Variants in LRMDA observed in about 807,000 individuals in gnomAD.
LRMDA encodes the protein leucine rich melanocyte differentiation associated.
A neutral mutation model predicts 29.8 loss-of-function variants in LRMDA; 18 were observed. The ratio of observed to expected loss-of-function variants is 0.60; its 90% CI spans 0.42 to 0.90. The LOEUF (loss-of-function observed/expected upper bound fraction) is 0.90. LRMDA is among the 40% of genes least tolerant of loss of function. The probability of loss-of-function intolerance (pLI) is 0.00; values close to 1 mark genes in which losing one functional copy is unlikely to be tolerated. For synonymous variants in LRMDA, 125 were observed against 109.4 expected, an observed-to-expected ratio of 1.14 and a Z score of -0.89; for missense variants, 273 against 273.9, an observed-to-expected ratio of 1.00 and a Z score of 0.02.
intron 2 of LRMDA, among the ~76,000 whole-genome samples, chr10:75,652,176 T>TG (rs1486267516): frequency 9.0e-4 from 137 of 152,336 alleles, no homozygotes; most frequent in African/African-American, 3.3e-3. Flanking sequence ...CACTCAGCCT[T>TG]GTGCTAATAG....
intron 2 of LRMDA, among the ~76,000 whole-genome samples, chr10:75,855,989 C>T (rs1229816198): frequency 1.3e-5 from 2 of 152,150 alleles, no homozygotes; most frequent in African/African-American, 2.4e-5. Context: ...AGTTTGAAGT[C>T]AGGTAGTGTG....
intron 5 of LRMDA, among the ~76,000 whole-genome samples, chr10:76,094,185 A>G (rs1027068076): frequency 2.0e-5 from 3 of 152,212 alleles, no homozygotes; most frequent in Non-Finnish European, 4.4e-5. Context: ...AGATGGAACG[A>G]TAGACTCCAA....
At chr10:75,836,777 C>G (rs943872530) in intron 2 of LRMDA, among the ~76,000 whole-genome samples, 1 of 152,184 alleles carries the variant, frequency 6.6e-6, no homozygotes, top group Non-Finnish European at 1.5e-5. Flanking sequence ...TATTTCCTCT[C>G]TCTCCGAATG....
At chr10:76,189,730 C>T (rs1388070951) in intron 5 of LRMDA, among the ~76,000 whole-genome samples, 2 of 152,162 alleles carry the variant, frequency 1.3e-5, no homozygotes, top group Non-Finnish European at 2.9e-5. Context: ...TATGTGTTTG[C>T]TGTGGTGACC....
At chr10:76,066,001 A>T (rs531165667) in intron 5 of LRMDA, among the ~76,000 whole-genome samples, 1 of 152,312 alleles carries the variant, frequency 6.6e-6, no homozygotes, top group South Asian at 2.1e-4. Context: ...CCAACCACAG[A>T]CCTCTACATG....
chr10:75,892,068 G>A (rs1589243321), intron 2 of LRMDA, among the ~76,000 whole-genome samples: 1 of 152,144 alleles, frequency 6.6e-6, no homozygotes, highest in East Asian at 1.9e-4. Flanking sequence ...GGGAATTAGC[G>A]TGACAGTGAT....
chr10:75,764,681 G>A (rs12264499), intron 2 of LRMDA, among the ~76,000 whole-genome samples: 1 of 152,126 alleles, frequency 6.6e-6, no homozygotes, highest in African/African-American at 2.4e-5. Context: ...ACAGATAGAC[G>A]GGAGAATGAG....
At chr10:76,291,703 G>A (rs1840343453) in intron 5 of LRMDA, among the ~76,000 whole-genome samples, 1 of 151,984 alleles carries the variant, frequency 6.6e-6, no homozygotes, top group Non-Finnish European at 1.5e-5. Context: ...AGATTACAGA[G>A]GGAAATGCTG....
At chr10:76,290,798 T>G (rs963142518) in intron 5 of LRMDA, among the ~76,000 whole-genome samples, 29 of 152,310 alleles carry the variant, frequency 1.9e-4, no homozygotes, top group African/African-American at 6.3e-4. Context: ...AAGGAGGTGC[T>G]ATACCTTCAA....
chr10:76,090,311 G>C (rs1170606170), intron 5 of LRMDA, among the ~76,000 whole-genome samples: 1 of 152,198 alleles, frequency 6.6e-6, no homozygotes, highest in Non-Finnish European at 1.5e-5. Flanking sequence ...ACTGTGGCTA[G>C]GTTTGGGTTG....
chr10:76,384,970 G>A (rs1841642204), intron 6 of LRMDA, among the ~76,000 whole-genome samples: 1 of 152,224 alleles, frequency 6.6e-6, no homozygotes, highest in African/African-American at 2.4e-5. Flanking sequence ...GCAGGTCTGG[G>A]AAAAGCCTCT....
At chr10:75,765,304 T>A (rs1300049547) in intron 2 of LRMDA, among the ~76,000 whole-genome samples, 1 of 152,124 alleles carries the variant, frequency 6.6e-6, no homozygotes, top group Non-Finnish European at 1.5e-5. Flanking sequence ...TTGAATGGGC[T>A]GTTTTGTGTG....
At chr10:75,576,260 G>A (rs980741341) in intron 2 of LRMDA, among the ~76,000 whole-genome samples, 6 of 152,186 alleles carry the variant, frequency 3.9e-5, no homozygotes, top group Non-Finnish European at 8.8e-5. Flanking sequence ...CAGGAAGTTC[G>A]AACTGGGCAA....
intron 5 of LRMDA, among the ~76,000 whole-genome samples, chr10:76,232,149 G>A (rs16933075): frequency 0.18 from 27,449 of 152,026 alleles, 3,000 homozygotes; most frequent in East Asian, 0.51. Context: ...CTTGGTTTTA[G>A]GGAACACTGT....
At chr10:76,236,578 C>T (rs927160908) in intron 5 of LRMDA, among the ~76,000 whole-genome samples, 5 of 152,182 alleles carry the variant, frequency 3.3e-5, no homozygotes, top group Non-Finnish European at 1.5e-5. Flanking sequence ...CGCTCCCAGA[C>T]CTTTAAAAAC....
chr10:76,521,190 G>C (rs1262829084), intron 6 of LRMDA, among the ~76,000 whole-genome samples: 1 of 146,598 alleles, frequency 6.8e-6, no homozygotes, highest in African/African-American at 2.5e-5. Flanking sequence ...CTGGAGTGCC[G>C]TGGCGCGATC....
At chr10:76,369,731 A>T (rs1841431217) in intron 6 of LRMDA, among the ~76,000 whole-genome samples, 1 of 152,102 alleles carries the variant, frequency 6.6e-6, no homozygotes. Context: ...GGACATTTAA[A>T]TGCTAGTTTA....
rs1392511950 is a variant in LRMDA at position 75,949,976 on chromosome 10, C to T, written c.132-86032C>T. Among the ~76,000 whole-genome samples the T allele has an allele frequency of 2.6e-5, 4 of 152,312 alleles. No homozygotes were observed. The East Asian group carries it at 7.7e-4, about 29-fold the overall frequency. On this transcript the variant is annotated intron_variant, in intron 2 of 6. Coordinates refer to ENST00000611255, the MANE Select transcript of LRMDA (RefSeq NM_001305581.2). ...AATACTCTTTCTGAAGCCCAGAGAACTCTAGGTCCTTCCAGTTTTGCAGGA... is the reference window on the plus strand; with the variant it reads ...AATACTCTTTCTGAAGCCCAGAGAATTCTAGGTCCTTCCAGTTTTGCAGGA...
intron 6 of LRMDA, among the ~76,000 whole-genome samples, chr10:76,524,701 T>G (rs553839295): frequency 3.3e-5 from 5 of 152,356 alleles, no homozygotes; most frequent in Admixed American, 3.3e-4. Flanking sequence ...TCTTAATTAC[T>G]TTTCAAGTCA....
Sources: gnomAD v4.1 joint callset for allele counts (sites outside exome capture counted in the v4.1 genomes callset) on GRCh38, gnomAD v4.1.1 for gene constraint, MANE v1.5 for transcripts, NCBI Gene and HGNC (gene_info 2026-07-23, HGNC 2026-07-21) for gene names.